Variants in THADA observed in about 807,000 individuals in gnomAD.
THADA encodes the protein tRNA (32-2'-O)-methyltransferase regulator THADA.
Under a neutral mutation model 219.8 loss-of-function variants are expected in THADA, and 213 were observed. The observed-to-expected ratio is 0.97, with a 90% confidence interval of 0.87 to 1.09. The LOEUF (loss-of-function observed/expected upper bound fraction) is 1.09. THADA is among the 50% of genes least tolerant of loss of function. The pLI, the probability that THADA is intolerant of heterozygous loss-of-function variation, is 0.00. For synonymous variants in THADA, 1,018 were observed against 828.9 expected, an observed-to-expected ratio of 1.23 and a Z score of -3.92; for missense variants, 2,956 against 2,311.3, an observed-to-expected ratio of 1.28 and a Z score of -5.72.
intron 28 of THADA, among the ~76,000 whole-genome samples, chr2:43,427,096 A>G (rs1433105803): frequency 1.3e-5 from 2 of 152,192 alleles, no homozygotes; most frequent in Non-Finnish European, 2.9e-5. Context: ...GGCTTTTTTC[A>G]GGTACTACAA....
At chr2:43,570,593 A>G in intron 13 of THADA, 83 bp from the exon 14 acceptor site, 1 of 1,422,490 alleles carries the variant, frequency 7.0e-7, no homozygotes, top group Non-Finnish European at 9.4e-7. Context: ...ATTTAGAATA[A>G]AACTTCAGGC....
intron 28 of THADA, among the ~76,000 whole-genome samples, chr2:43,414,223 T>C (rs577642323): frequency 5.3e-5 from 8 of 152,364 alleles, no homozygotes; most frequent in Admixed American, 4.6e-4. Context: ...ATATTTACTT[T>C]TGTTGTGGTA....
intron 29 of THADA, among the ~76,000 whole-genome samples, chr2:43,347,999 G>C (rs1418521411): frequency 4.6e-5 from 7 of 151,864 alleles, no homozygotes; most frequent in African/African-American, 1.7e-4. Flanking sequence ...TAGCAGAAGG[G>C]GTGGAATGCC....
intron 35 of THADA, among the ~76,000 whole-genome samples, chr2:43,285,771 G>A (rs935664016): frequency 3.7e-4 from 57 of 152,076 alleles, no homozygotes; most frequent in African/African-American, 1.2e-3. Context: ...GGCTGGTCTC[G>A]AACTCCCGAC....
At chr2:43,256,136 A>G (rs907487414) in intron 36 of THADA, among the ~76,000 whole-genome samples, 6 of 152,212 alleles carry the variant, frequency 3.9e-5, no homozygotes, top group Non-Finnish European at 7.3e-5. Flanking sequence ...CCAAGATAGA[A>G]GGAATAAAAA....
chr2:43,479,220 T>C (rs1404194138), intron 26 of THADA, among the ~76,000 whole-genome samples: 1 of 152,234 alleles, frequency 6.6e-6, no homozygotes, highest in Non-Finnish European at 1.5e-5. Context: ...ACTATTACTG[T>C]TGCTAACAGA....
intron 10 of THADA, 66 bp from the exon 11 acceptor site, chr2:43,575,093 C>A: frequency 8.4e-7 from 1 of 1,185,000 alleles, no homozygotes; most frequent in Non-Finnish European, 1.2e-6. Context: ...CATTTTATAA[C>A]AATTTAGACT....
intron 1 of THADA, among the ~76,000 whole-genome samples, chr2:43,594,177 C>T (rs2104213523): frequency 6.6e-6 from 1 of 152,304 alleles, no homozygotes; most frequent in East Asian, 1.9e-4. Context: ...AGAGCCCATT[C>T]TGTTTACAAT....
At position 43,389,679 on chromosome 2, in the gene THADA, T is replaced by C. The variant is rs147981425; in HGVS notation, c.4227+8292A>G. On this transcript the variant is annotated intron_variant, in intron 29 of 37. Transcript: ENST00000405975. ...TGACACAACAGGCTGGTTTACTCAC[T>C]GCCTCCTGCAAACACTTTCTGATGC... 2.6e-4 allele frequency among the ~76,000 whole-genome samples: 40 copies of C among 152,292 alleles called. 2 individuals carry two copies. In the East Asian group the frequency reaches 7.3e-3, roughly 28 times the overall value.
chr2:43,411,949 T>A (rs1015907011), intron 28 of THADA, among the ~76,000 whole-genome samples: 6 of 152,310 alleles, frequency 3.9e-5, no homozygotes, highest in African/African-American at 1.4e-4. Context: ...GGGAAACATG[T>A]CAGTAAAGAA....
At position 43,504,340 on chromosome 2, in the gene THADA, G is replaced by C. The variant is rs1233099454; in HGVS notation, c.3621+1282C>G. Among the ~76,000 whole-genome samples the C allele has an allele frequency of 2.6e-5, 4 of 152,132 alleles. No individual in the cohort carries two copies. The South Asian group carries it at 6.2e-4, about 24-fold the overall frequency. ...CTATGTTCCATATGACTGTGGAAAA[G>C]AATGGGGATTCTTTCCCACAGTCCA... On this transcript the variant is annotated intron_variant, in intron 24 of 37. Coordinates refer to ENST00000405975, the MANE Select transcript of THADA (RefSeq NM_022065.5).
intron 26 of THADA, among the ~76,000 whole-genome samples, chr2:43,432,400 A>G (rs1679475113): frequency 6.6e-6 from 1 of 151,190 alleles, no homozygotes; most frequent in Non-Finnish European, 1.5e-5. Flanking sequence ...GTAGTATTCC[A>G]TTATATGAAT....
chr2:43,434,999 C>T (rs979091348), intron 26 of THADA, among the ~76,000 whole-genome samples: 3 of 152,200 alleles, frequency 2.0e-5, no homozygotes, highest in Non-Finnish European at 4.4e-5. Context: ...TGTTCCCCTA[C>T]AGGTTTGAGC....
chr2:43,427,430 A>C (rs941576816), intron 28 of THADA, among the ~76,000 whole-genome samples: 2 of 150,812 alleles, frequency 1.3e-5, no homozygotes, highest in Non-Finnish European at 2.9e-5. Flanking sequence ...CAATATAAGC[A>C]CCTTACTCTG....
chr2:43,520,713 T>TATATATATATATATATACAC (rs1218079783), intron 22 of THADA, among the ~76,000 whole-genome samples: 5 of 125,044 alleles, frequency 4.0e-5, no homozygotes, highest in African/African-American at 1.5e-4. Flanking sequence ...TATATATATA[T>TATATATATATATATATACAC]ACACACACAC....
chr2:43,582,547 T>C (rs1030867222), intron 7 of THADA, among the ~76,000 whole-genome samples: 1 of 148,544 alleles, frequency 6.7e-6, no homozygotes, highest in Non-Finnish European at 1.5e-5. Flanking sequence ...TCTCTCAACA[T>C]TGATATATTT....
chr2:43,276,645 G>A (rs1415889058), intron 36 of THADA, among the ~76,000 whole-genome samples: 1 of 152,150 alleles, frequency 6.6e-6, no homozygotes, highest in African/African-American at 2.4e-5. Flanking sequence ...GCGTTCTGAG[G>A]AAGGCAGGAC....
intron 26 of THADA, among the ~76,000 whole-genome samples, chr2:43,482,086 G>C (rs969934787): frequency 6.6e-6 from 1 of 152,156 alleles, no homozygotes; most frequent in African/African-American, 2.4e-5. Flanking sequence ...ACAGGTTGCA[G>C]AGCTTTGCTG....
intron 26 of THADA, among the ~76,000 whole-genome samples, chr2:43,480,856 G>A (rs547959775): frequency 4.6e-5 from 7 of 151,338 alleles, no homozygotes; most frequent in African/African-American, 1.7e-4. Flanking sequence ...AAATTACCCC[G>A]GCCACAGTCA....
Sources: allele counts gnomAD v4.1 joint callset (sites outside exome capture counted in the v4.1 genomes callset), GRCh38; gene constraint gnomAD v4.1.1; transcripts MANE v1.5; gene names NCBI Gene and HGNC (gene_info 2026-07-23, HGNC 2026-07-21).